Variants in CTNND2 observed in about 807,000 individuals in gnomAD.
The protein encoded by CTNND2 is catenin delta 2, also known as catenin delta-2.
CTNND2 carries 22 observed loss-of-function variants against 144.4 expected under a neutral mutation model. The observed-to-expected ratio is 0.15, with a 90% CI of 0.11 to 0.22. The LOEUF (loss-of-function observed/expected upper bound fraction) is 0.22, where lower values mean the gene tolerates loss of function less well. Among genes scored for constraint, CTNND2 ranks in the 10% least tolerant of loss-of-function variants. CTNND2 has a pLI of 1.00. For synonymous variants in CTNND2, 751 were observed against 695.6 expected, an observed-to-expected ratio of 1.08 and a Z score of -1.25; for missense variants, 1,353 against 1,618.8, an observed-to-expected ratio of 0.84 and a Z score of 2.82.
chr5:11,472,184 G>C (rs1341567201), intron 3 of CTNND2, among the ~76,000 whole-genome samples: 1 of 151,988 alleles, frequency 6.6e-6, no homozygotes, highest in African/African-American at 2.4e-5. Flanking sequence ...CCTTATAACT[G>C]TTGGACAACT....
chr5:11,680,474 G>T (rs1784378919), intron 2 of CTNND2, among the ~76,000 whole-genome samples: 1 of 152,090 alleles, frequency 6.6e-6, no homozygotes, highest in Non-Finnish European at 1.5e-5. Context: ...ACCACGCACA[G>T]GACATCCCCC....
chr5:10,975,553 T>C lies in CTNND2; in HGVS notation c.3418-1840A>G, dbSNP rs534045907. 7.2e-5 allele frequency among the ~76,000 whole-genome samples: 11 copies of C among 152,154 alleles called. No homozygotes were observed. The South Asian group carries it at 2.3e-3, about 32-fold the overall frequency. On this transcript the variant is annotated intron_variant, in intron 21 of 21. Coordinates refer to ENST00000304623, the MANE Select transcript of CTNND2 (RefSeq NM_001332.4). ...GTTAAGAAACTTCTCCAAAACGTCATAGCTAGTGGTGTTGTGAACTGGAAC... is the reference window on the plus strand; with the variant it reads ...GTTAAGAAACTTCTCCAAAACGTCACAGCTAGTGGTGTTGTGAACTGGAAC...
At chr5:11,356,052 C>A (rs1418818924) in intron 8 of CTNND2, among the ~76,000 whole-genome samples, 3 of 151,902 alleles carry the variant, frequency 2.0e-5, no homozygotes, top group Admixed American at 6.6e-5. Flanking sequence ...GAAGAGGACA[C>A]AAATAAATGA....
chr5:11,457,934 A>G (rs1223987918), intron 3 of CTNND2, among the ~76,000 whole-genome samples: 1 of 152,186 alleles, frequency 6.6e-6, no homozygotes, highest in Non-Finnish European at 1.5e-5. Flanking sequence ...AGACACTGAA[A>G]TCTTACTTGC....
intron 1 of CTNND2, among the ~76,000 whole-genome samples, chr5:11,750,856 C>A (rs979494615): frequency 1.3e-5 from 2 of 151,720 alleles, no homozygotes; most frequent in African/African-American, 4.8e-5. Context: ...TTATCTTATA[C>A]ACCAAGATGT....
chr5:11,394,898 T>A (rs1466425104), intron 6 of CTNND2, among the ~76,000 whole-genome samples: 1 of 152,208 alleles, frequency 6.6e-6, no homozygotes. Context: ...AACTACATAG[T>A]TTTTTAGAAA....
At chr5:11,626,366 C>G (rs970718035) in intron 2 of CTNND2, among the ~76,000 whole-genome samples, 1 of 152,118 alleles carries the variant, frequency 6.6e-6, no homozygotes, top group Admixed American at 6.6e-5. Context: ...GAACACTATA[C>G]TATATGTGAT....
At chr5:11,338,846 G>T (rs1753973032) in intron 9 of CTNND2, among the ~76,000 whole-genome samples, 1 of 152,090 alleles carries the variant, frequency 6.6e-6, no homozygotes, top group African/African-American at 2.4e-5. Context: ...AAACAAAAAG[G>T]TCTTTTTGCC....
At chr5:11,598,631 G>C (rs1269095839) in intron 2 of CTNND2, among the ~76,000 whole-genome samples, 1 of 152,168 alleles carries the variant, frequency 6.6e-6, no homozygotes, top group East Asian at 1.9e-4. Context: ...AAAGGAGGAA[G>C]TGTCTATTTC....
At chr5:11,301,987 G>A (rs1290340120) in intron 9 of CTNND2, among the ~76,000 whole-genome samples, 2 of 152,110 alleles carry the variant, frequency 1.3e-5, no homozygotes, top group Non-Finnish European at 2.9e-5. Flanking sequence ...GGAGGAGGGT[G>A]GGGGTCCTGA....
intron 1 of CTNND2, among the ~76,000 whole-genome samples, chr5:11,829,941 C>A (rs1382266476): frequency 6.6e-6 from 1 of 152,192 alleles, no homozygotes; most frequent in East Asian, 1.9e-4. Context: ...GAACCCATTT[C>A]TTGTATCAAC....
chr5:11,792,700 T>C (rs144588875), intron 1 of CTNND2, among the ~76,000 whole-genome samples: 284 of 152,332 alleles, frequency 1.9e-3, no homozygotes, highest in African/African-American at 6.3e-3. Flanking sequence ...ATTTTACTGA[T>C]TCTTTCTTTT....
chr5:11,633,207 G>GT (rs1781501005), intron 2 of CTNND2, among the ~76,000 whole-genome samples: 1 of 152,108 alleles, frequency 6.6e-6, no homozygotes, highest in South Asian at 2.1e-4. Flanking sequence ...GAGTTAACAC[G>GT]TTGAAAGTGA....
chr5:11,649,929 A>T (rs1183243626), intron 2 of CTNND2, among the ~76,000 whole-genome samples: 2 of 152,162 alleles, frequency 1.3e-5, no homozygotes, highest in African/African-American at 4.8e-5. Flanking sequence ...CAAGACACAG[A>T]GAGGTCCCTT....
chr5:11,675,021 G>A (rs1270434698), intron 2 of CTNND2, among the ~76,000 whole-genome samples: 2 of 152,080 alleles, frequency 1.3e-5, no homozygotes, highest in East Asian at 1.9e-4. Flanking sequence ...TCTTTCCAAT[G>A]GGGTTATTGC....
At chr5:11,250,180 G>C (rs1354152206) in intron 9 of CTNND2, among the ~76,000 whole-genome samples, 2 of 152,018 alleles carry the variant, frequency 1.3e-5, no homozygotes, top group African/African-American at 4.8e-5. Context: ...GTGGACCATG[G>C]GTGAAAAGGC....
chr5:11,147,902 G>A (rs768814268), intron 12 of CTNND2, among the ~76,000 whole-genome samples: 55 of 152,294 alleles, frequency 3.6e-4, no homozygotes, highest in South Asian at 1.7e-3. Flanking sequence ...TACAATAGCC[G>A]AAGAGTGAAC....
Position 11,384,609 on chromosome 5 carries a change from T to G in CTNND2, c.1177+56A>C, listed in dbSNP as rs1251159112. On this transcript the variant is annotated intron_variant, in intron 7 of 21. Transcript: ENST00000304623. This position sits in a 1 kb window ranked among gnomAD's most constrained non-coding sequence, Gnocchi z 5.2. ...CTTCTGCTCAAGCCGGGCTGCTGCTTCCGCGTCCCCGCCACGCGCCCAGGT... is the reference window on the plus strand; with the variant it reads ...CTTCTGCTCAAGCCGGGCTGCTGCTGCCGCGTCCCCGCCACGCGCCCAGGT... 1.2e-5 allele frequency: 18 copies of G among 1,513,694 alleles called. No homozygotes were observed. The highest frequency in any genetic ancestry group is 1.6e-5 in the Non-Finnish European group (18 of 1,128,992). The allele number at this position is 1,513,694 out of a possible 1,614,324, so 93.8% of individuals were successfully genotyped here.
At chr5:11,896,291 C>G (rs1244945492) in intron 1 of CTNND2, among the ~76,000 whole-genome samples, 1 of 152,044 alleles carries the variant, frequency 6.6e-6, no homozygotes, top group Non-Finnish European at 1.5e-5. Flanking sequence ...AGAATATGAG[C>G]AATGTTTTCT....
Sources: gnomAD v4.1 joint callset for allele counts (sites outside exome capture counted in the v4.1 genomes callset) on GRCh38, gnomAD v4.1.1 for gene constraint, Gnocchi (gnomAD v3.1) non-coding constraint, MANE v1.5 for transcripts, NCBI Gene and HGNC (gene_info 2026-07-23, HGNC 2026-07-21) for gene names.